Variants in MARCHF1 observed in about 807,000 individuals in gnomAD.
MARCHF1 encodes E3 ubiquitin-protein ligase MARCHF1.
Under a neutral mutation model 54.2 loss-of-function variants are expected in MARCHF1, and 40 were observed. The observed-to-expected ratio is 0.74, with a 90% CI of 0.57 to 0.96. The LOEUF is 0.96. MARCHF1 is among the 40% of genes least tolerant of loss of function. The pLI is 0.00. For synonymous variants in MARCHF1, 236 were observed against 236.3 expected (o/e 1.00, Z 0.01); for missense variants, 586 against 656.5 (o/e 0.89, Z 1.17).
At chr4:163,683,156 A>G (rs777876937) in intron 5 of MARCHF1, among the ~76,000 whole-genome samples, 8 of 152,172 alleles carry the variant, frequency 5.3e-5, no homozygotes, top group Non-Finnish European at 1.5e-5. Flanking sequence ...ACTGCTGATA[A>G]AGACATATTT....
At chr4:163,863,449 T>C (rs761503313) in intron 3 of MARCHF1, among the ~76,000 whole-genome samples, 5 of 152,064 alleles carry the variant, frequency 3.3e-5, no homozygotes, top group Non-Finnish European at 7.4e-5. Context: ...GTTTGGCAGA[T>C]AGTAGAAGAT....
intron 4 of MARCHF1, among the ~76,000 whole-genome samples, chr4:163,778,881 G>A (rs775446013): frequency 2.6e-5 from 4 of 152,062 alleles, no homozygotes; most frequent in African/African-American, 4.8e-5. Flanking sequence ...GGTATATGAT[G>A]AGAGATTATG....
At chr4:164,367,604 T>G (rs191145392) in intron 1 of MARCHF1, among the ~76,000 whole-genome samples, 1 of 118,814 alleles carries the variant, frequency 8.4e-6, no homozygotes, top group Non-Finnish European at 1.9e-5. Context: ...AATATTCACT[T>G]GGTAGGAATG....
chr4:164,114,953 G>C (rs1032910674), intron 1 of MARCHF1, among the ~76,000 whole-genome samples: 5 of 151,946 alleles, frequency 3.3e-5, no homozygotes, highest in Non-Finnish European at 7.4e-5. Context: ...GACAAAACAA[G>C]TTCTGAAGAA....
intron 4 of MARCHF1, among the ~76,000 whole-genome samples, chr4:163,844,121 C>G (rs1215508948): frequency 6.6e-6 from 1 of 152,070 alleles, no homozygotes; most frequent in Admixed American, 6.6e-5. Flanking sequence ...GATCCTCTCC[C>G]TACCCCAACC....
intron 1 of MARCHF1, among the ~76,000 whole-genome samples, chr4:164,236,820 C>G (rs1272828552): frequency 6.6e-6 from 1 of 152,130 alleles, no homozygotes; most frequent in Non-Finnish European, 1.5e-5. Flanking sequence ...TTTCAAGTAG[C>G]AGCTTTGAAA....
At chr4:164,016,125 G>T (rs565117092) in intron 2 of MARCHF1, among the ~76,000 whole-genome samples, 1 of 152,116 alleles carries the variant, frequency 6.6e-6, no homozygotes, top group Non-Finnish European at 1.5e-5. Context: ...TTTTCAGACT[G>T]CTATAAAGAA....
chr4:164,140,947 G>A (rs1023340244), intron 1 of MARCHF1, among the ~76,000 whole-genome samples: 4 of 152,204 alleles, frequency 2.6e-5, no homozygotes, highest in Admixed American at 2.6e-4. Flanking sequence ...AACAATCCAT[G>A]AGGGTTAGCA....
At chr4:164,041,421 G>C (rs941206480) in intron 2 of MARCHF1, among the ~76,000 whole-genome samples, 2 of 152,132 alleles carry the variant, frequency 1.3e-5, no homozygotes, top group African/African-American at 4.8e-5. Flanking sequence ...TTGTGGATAA[G>C]ATTCATGCCT....
At chr4:164,254,555 T>G (rs1450201342) in intron 1 of MARCHF1, among the ~76,000 whole-genome samples, 1 of 150,930 alleles carries the variant, frequency 6.6e-6, no homozygotes, top group Non-Finnish European at 1.5e-5. Context: ...TTATTAAGTA[T>G]TAACTTAATA....
intron 4 of MARCHF1, among the ~76,000 whole-genome samples, chr4:163,775,158 T>C (rs564243842): frequency 6.6e-6 from 1 of 152,306 alleles, no homozygotes; most frequent in South Asian, 2.1e-4. Context: ...GCTTGTTTTG[T>C]TGCAAAAGCA....
chr4:163,648,558 C>T (rs1284446433), intron 5 of MARCHF1, among the ~76,000 whole-genome samples: 1 of 147,862 alleles, frequency 6.8e-6, no homozygotes, highest in Non-Finnish European at 1.5e-5. Context: ...ATTCTATAGC[C>T]TAGTAATAGT....
chr4:163,583,828 TA>T (rs780759460), intron 8 of MARCHF1: 1 of 144,104 alleles, frequency 6.9e-6, no homozygotes, highest in African/African-American at 2.6e-5. Context: ...TTTTTTTTTT[TA>T]ACTTTTTTGT....
intron 2 of MARCHF1, among the ~76,000 whole-genome samples, chr4:164,107,283 A>G (rs1755727156): frequency 6.6e-6 from 1 of 152,294 alleles, no homozygotes; most frequent in African/African-American, 2.4e-5. Flanking sequence ...ATATTTAACA[A>G]CATTAAGCAC....
intron 5 of MARCHF1, among the ~76,000 whole-genome samples, chr4:163,619,108 G>A (rs1250932648): frequency 3.3e-5 from 5 of 152,052 alleles, no homozygotes; most frequent in Admixed American, 2.6e-4. Flanking sequence ...GGTGAGAAGT[G>A]GTACATAGTC....
intron 1 of MARCHF1, among the ~76,000 whole-genome samples, chr4:164,279,072 A>G (rs1022234480): frequency 5.9e-5 from 9 of 151,864 alleles, no homozygotes; most frequent in African/African-American, 2.2e-4. Context: ...TAGTCAAAAT[A>G]AAAAATCTAA....
At chr4:164,202,219 T>C (rs1731474707) in intron 1 of MARCHF1, among the ~76,000 whole-genome samples, 1 of 152,198 alleles carries the variant, frequency 6.6e-6, no homozygotes, top group African/African-American at 2.4e-5. Context: ...TCATTACATT[T>C]AGATGATTCG....
intron 2 of MARCHF1, among the ~76,000 whole-genome samples, chr4:164,092,580 T>A (rs956430930): frequency 6.6e-6 from 1 of 152,162 alleles, no homozygotes; most frequent in African/African-American, 2.4e-5. Flanking sequence ...GTTGTTCCTC[T>A]CTCTATTAGG....
At chr4:164,095,935 G>C (rs1469887071) in intron 2 of MARCHF1, among the ~76,000 whole-genome samples, 1 of 152,104 alleles carries the variant, frequency 6.6e-6, no homozygotes, top group Non-Finnish European at 1.5e-5. Context: ...ACGAGACTGA[G>C]GAGAAAGGGG....
Sources: allele counts gnomAD v4.1 joint callset (sites outside exome capture counted in the v4.1 genomes callset), GRCh38; gene constraint gnomAD v4.1.1; transcripts MANE v1.5; gene names NCBI Gene and HGNC (gene_info 2026-07-23, HGNC 2026-07-21).